ADAM23: variants seen among roughly 807,000 people sequenced by gnomAD.
ADAM23 encodes disintegrin and metalloproteinase domain-containing protein 23.
In ADAM23, 33 loss-of-function variants were observed where a neutral mutation model predicts 120.1. The observed-to-expected ratio is 0.27, with a 90% CI of 0.21 to 0.37. The LOEUF (loss-of-function observed/expected upper bound fraction) is 0.37. ADAM23 is among the 10% of genes least tolerant of loss of function. The probability of loss-of-function intolerance (pLI) is 1.00; values close to 1 mark genes in which losing one functional copy is unlikely to be tolerated. For missense variants in ADAM23, 862 were observed against 1,058.2 expected (o/e 0.81, Z 2.57); for synonymous variants, 367 against 375.2 (o/e 0.98, Z 0.25).
chr2:206,495,428 T>A (rs1696222801), intron 3 of ADAM23, among the ~76,000 whole-genome samples: 4 of 151,104 alleles, frequency 2.6e-5, no homozygotes, highest in African/African-American at 9.8e-5. Context: ...AGAAATAAAA[T>A]CCTTTACAGA....
chr2:206,461,253 G>A (rs1559217104), intron 2 of ADAM23, among the ~76,000 whole-genome samples: 1 of 151,616 alleles, frequency 6.6e-6, no homozygotes, highest in Non-Finnish European at 1.5e-5. Context: ...GAAGAGATGG[G>A]GTTTCACCAT....
At position 206,600,900 on chromosome 2, in the gene ADAM23, G is replaced by A. The variant is rs578143818; in HGVS notation, c.2359+4738G>A. 1.8e-4 allele frequency among the ~76,000 whole-genome samples: 28 copies of A among 152,204 alleles called. No homozygotes were observed. The East Asian group carries it at 3.3e-3, about 18-fold the overall frequency. On this transcript the variant is annotated intron_variant, in intron 24 of 25. Transcript: ENST00000264377. ...TCACATTATTTATTTTTTCTACGTT[G>A]TTCATTTCACATGCAAAAACCCTTT...
chr2:206,456,732 A>G (rs1317909196), intron 2 of ADAM23, among the ~76,000 whole-genome samples: 1 of 152,214 alleles, frequency 6.6e-6, no homozygotes, highest in African/African-American at 2.4e-5. Flanking sequence ...GTAGTCACGT[A>G]TTCCTGGACC....
chr2:206,520,539 T>G (rs1366459065), intron 3 of ADAM23, among the ~76,000 whole-genome samples: 2 of 152,220 alleles, frequency 1.3e-5, no homozygotes, highest in Non-Finnish European at 2.9e-5. Flanking sequence ...TCTTATTTTT[T>G]TCTCTCACTC....
intron 2 of ADAM23, among the ~76,000 whole-genome samples, chr2:206,457,927 A>T (rs1366993219): frequency 2.0e-5 from 3 of 152,212 alleles, no homozygotes; most frequent in African/African-American, 7.2e-5. Context: ...TATACACCAA[A>T]TTTAAACTTT....
intron 13 of ADAM23, among the ~76,000 whole-genome samples, chr2:206,563,447 C>T (rs897839764): frequency 2.6e-5 from 4 of 152,140 alleles, no homozygotes; most frequent in African/African-American, 9.7e-5. Context: ...TTTCACAAAC[C>T]TCCGCAAACT....
intron 10 of ADAM23, among the ~76,000 whole-genome samples, chr2:206,558,232 A>G (rs1008565855): frequency 3.9e-5 from 6 of 152,210 alleles, no homozygotes; most frequent in African/African-American, 1.4e-4. Context: ...ACTAGTCAGA[A>G]ATTAAATATA....
At chr2:206,448,126 TA>T (rs1695119159) in intron 2 of ADAM23, among the ~76,000 whole-genome samples, 1 of 152,228 alleles carries the variant, frequency 6.6e-6, no homozygotes, top group Admixed American at 6.5e-5. Flanking sequence ...GAGTGATGTA[TA>T]ACCAGTTGTC....
intron 2 of ADAM23, among the ~76,000 whole-genome samples, chr2:206,467,142 A>G (rs1695557737): frequency 6.6e-6 from 1 of 152,210 alleles, no homozygotes; most frequent in Non-Finnish European, 1.5e-5. Context: ...TCCAAATCAT[A>G]AAATTCCACC....
At chr2:206,447,588 A>T (rs1000058837) in intron 2 of ADAM23, among the ~76,000 whole-genome samples, 1 of 152,182 alleles carries the variant, frequency 6.6e-6, no homozygotes, top group Admixed American at 6.5e-5. Context: ...GAAGTAGTTG[A>T]TAAAAAGTGT....
At chr2:206,503,017 T>TTATACA (rs943056549) in intron 3 of ADAM23, among the ~76,000 whole-genome samples, 3 of 152,164 alleles carry the variant, frequency 2.0e-5, no homozygotes, top group African/African-American at 7.2e-5. Flanking sequence ...TAGAGCCCAT[T>TTATACA]TATACATATA....
chr2:206,490,866 C>T (rs1203479241), intron 3 of ADAM23, among the ~76,000 whole-genome samples: 1 of 152,078 alleles, frequency 6.6e-6, no homozygotes, highest in African/African-American at 2.4e-5. Context: ...CTTTTGATGA[C>T]TCATCTTTAT....
At chr2:206,534,941 AGT>A (rs1697140927) in intron 4 of ADAM23, among the ~76,000 whole-genome samples, 1 of 151,488 alleles carries the variant, frequency 6.6e-6, no homozygotes, top group Non-Finnish European at 1.5e-5. Flanking sequence ...CTGTGCAGCC[AGT>A]TCCTCCCTCC....
chr2:206,535,315 C>A (rs139006832), intron 4 of ADAM23, among the ~76,000 whole-genome samples: 1 of 152,120 alleles, frequency 6.6e-6, no homozygotes, highest in African/African-American at 2.4e-5. Context: ...CAAGTGCTGT[C>A]GAGATTGTGG....
chr2:206,499,952 C>T (rs1292794226), intron 3 of ADAM23, among the ~76,000 whole-genome samples: 1 of 152,076 alleles, frequency 6.6e-6, no homozygotes, highest in East Asian at 1.9e-4. Context: ...TCAAACTGTT[C>T]CTTCACCCAG....
intron 3 of ADAM23, among the ~76,000 whole-genome samples, chr2:206,511,291 C>G (rs1471096006): frequency 6.6e-6 from 1 of 152,148 alleles, no homozygotes; most frequent in East Asian, 1.9e-4. Flanking sequence ...AACATTTCCT[C>G]TGTTTTCTTA....
chr2:206,537,483 G>A (rs897698893), intron 4 of ADAM23, among the ~76,000 whole-genome samples: 2 of 152,108 alleles, frequency 1.3e-5, no homozygotes, highest in African/African-American at 4.8e-5. Context: ...CTGTATTGGA[G>A]TCAGGGTATT....
intron 9 of ADAM23, among the ~76,000 whole-genome samples, chr2:206,554,762 G>A (rs1257997708): frequency 6.6e-6 from 1 of 152,072 alleles, no homozygotes; most frequent in African/African-American, 2.4e-5. Flanking sequence ...GAGTTGTGAG[G>A]AGCAAATATT....
chr2:206,546,322 G>T (rs1319043231), intron 6 of ADAM23, among the ~76,000 whole-genome samples: 3 of 152,094 alleles, frequency 2.0e-5, no homozygotes, highest in Admixed American at 6.6e-5. Context: ...AGAGCTTACT[G>T]TAATTAATTT....
Sources: gnomAD v4.1 joint callset for allele counts (sites outside exome capture counted in the v4.1 genomes callset) on GRCh38, gnomAD v4.1.1 for gene constraint, MANE v1.5 for transcripts, NCBI Gene and HGNC (gene_info 2026-07-23, HGNC 2026-07-21) for gene names.